The following TFAP2E variants were observed in gnomAD, a reference collection of about 807,000 sequenced individuals.
The protein encoded by TFAP2E is transcription factor AP-2-epsilon.
TFAP2E carries 30 observed loss-of-function variants against 37.9 expected under a neutral mutation model. The observed-to-expected ratio is 0.79, with a 90% confidence interval of 0.59 to 1.07. The LOEUF (loss-of-function observed/expected upper bound fraction) is 1.07, where lower values mean the gene tolerates loss of function less well. Ranked by LOEUF, TFAP2E falls within the 50% of genes least tolerant of loss-of-function variation. The pLI is 0.00. For synonymous variants in TFAP2E, 318 were observed against 295.8 expected (o/e 1.08, Z -0.77); for missense variants, 567 against 637.9 (o/e 0.89, Z 1.20).
chr1:35,574,933 C>T lies in TFAP2E; in HGVS notation c.511-16C>T, dbSNP rs1181368287. On this transcript the variant is annotated splice_polypyrimidine_tract_variant and intron_variant, in intron 2 of 6. Transcript: ENST00000373235. ...GGGCTTTATGCGCCCTCACCGCTGC[C>T]CTCTGCTATTTGCAGGCAATGGACG... 6.2e-7 allele frequency: 1 copy of T among 1,613,864 alleles called. No individual in the cohort carries two copies. The highest frequency in any genetic ancestry group is 8.5e-7 in the Non-Finnish European group (1 of 1,180,016).
chr1:35,581,447 C>T (rs1649347606), intron 3 of TFAP2E, among the ~76,000 whole-genome samples: 1 of 152,030 alleles, frequency 6.6e-6, no homozygotes, highest in Non-Finnish European at 1.5e-5. Context: ...ATTATATGGT[C>T]GGTTTAGGTT....
At chr1:35,581,602 C>A (rs1447541876) in intron 3 of TFAP2E, among the ~76,000 whole-genome samples, 11 of 146,824 alleles carry the variant, frequency 7.5e-5, no homozygotes, top group African/African-American at 2.8e-4. Context: ...GATGGAGTTT[C>A]ACTCTTGTTG....
At chr1:35,580,078 T>TG (rs1649303093) in intron 3 of TFAP2E, among the ~76,000 whole-genome samples, 35 of 151,934 alleles carry the variant, frequency 2.3e-4, no homozygotes, top group Admixed American at 2.3e-3. Context: ...GGCATGGTGG[T>TG]GCACGCCTGT....
In TFAP2E at chr1:35,590,560, G is replaced by T; in HGVS notation, c.905-74G>T. On this transcript the variant is annotated intron_variant, in intron 5 of 6. Coordinates refer to ENST00000373235, the MANE Select transcript of TFAP2E (RefSeq NM_178548.4). The surrounding 1 kb of genome is among the most constrained non-coding windows in gnomAD (Gnocchi z 6.2). The stretch of plus-strand genomic sequence containing the variant: ...GATGGGGCAGGATACCCCTGACCAG[G>T]GGGTCAGAGGTTCAAAGCTGTGTTC... The T allele has an allele frequency of 7.2e-7, 1 of 1,387,540 alleles. No individual in the cohort carries two copies. Among genetic ancestry groups the T allele is most frequent in the East Asian group, 2.5e-5 (1 of 39,894 alleles). 86.0% of individuals were successfully genotyped at this position (1,387,540 alleles called of 1,614,324 possible). A position where few individuals can be genotyped will look rare whatever the true frequency, so the allele number is the denominator to read the frequency against.
chr1:35,594,697 C>G lies in TFAP2E; in HGVS notation c.*21C>G, dbSNP rs1324337601. ...AATAACTGCTTCTCCCACCCCATCC[C>G]TAAGGGGCTCCCAGGCCCTGAAATA... On this transcript the variant is annotated 3_prime_UTR_variant, in exon 7 of 7. Coordinates refer to ENST00000373235, the MANE Select transcript of TFAP2E (RefSeq NM_178548.4). 6.2e-7 allele frequency: 1 copy of G among 1,612,998 alleles called. No homozygotes were observed. The highest frequency in any genetic ancestry group is 8.5e-7 in the Non-Finnish European group (1 of 1,179,996).
rs779591473 is a variant in TFAP2E at position 35,590,803 on chromosome 1, A to G, written c.1046+28A>G. On this transcript the variant is annotated intron_variant, in intron 6 of 6. Coordinates refer to ENST00000373235, the MANE Select transcript of TFAP2E (RefSeq NM_178548.4). This position sits in a 1 kb window ranked among gnomAD's most constrained non-coding sequence, Gnocchi z 6.2. ...GAGTGAGGGCACCCTGCACAGGCAC[A>G]CGTGGGTGCCATGCACAGACAGACA... is the stretch of plus-strand genomic sequence containing the variant. The G allele has an allele frequency of 7.2e-7, 1 of 1,389,522 alleles. No individual in the cohort carries two copies. Among genetic ancestry groups the G allele is most frequent in the Admixed American group, 2.8e-5 (1 of 35,738 alleles). 86.1% of individuals were successfully genotyped at this position (1,389,522 alleles called of 1,614,324 possible).
chr1:35,591,263 T>G (rs573145959), intron 6 of TFAP2E, among the ~76,000 whole-genome samples: 1 of 152,256 alleles, frequency 6.6e-6, no homozygotes, highest in East Asian at 1.9e-4. Context: ...TCTGGGCTCC[T>G]GCATCAGGAA....
At position 35,577,817 on chromosome 1, in the gene TFAP2E, C is replaced by T; in HGVS notation, c.562+2817C>T. ...AGCCCCGGCGCTTTACCACACACTT[C>T]CGGGTCCCATGCCAGTTGCATCCGC... On this transcript the variant is annotated intron_variant, in intron 3 of 6. Coordinates refer to ENST00000373235, the MANE Select transcript of TFAP2E (RefSeq NM_178548.4). The surrounding 1 kb of genome is among the most constrained non-coding windows in gnomAD (Gnocchi z 6.3). 1 of 217,590 alleles carries T rather than the reference C, an allele frequency of 4.6e-6. No individual in the cohort carries two copies. The highest frequency in any genetic ancestry group is 5.7e-5 in the South Asian group (1 of 17,412). The allele number at this position is 217,590 out of a possible 1,614,324, so 13.5% of individuals were successfully genotyped here. A position where few individuals can be genotyped will look rare whatever the true frequency, so the allele number is the denominator to read the frequency against.
At chr1:35,576,614 G>A (rs1300854303) in intron 3 of TFAP2E, among the ~76,000 whole-genome samples, 1 of 152,120 alleles carries the variant, frequency 6.6e-6, no homozygotes, top group Non-Finnish European at 1.5e-5. Context: ...AAAGAGGTTT[G>A]GGGATCTCTG....
chr1:35,591,360 C>T (rs780405316), intron 6 of TFAP2E, among the ~76,000 whole-genome samples: 1 of 152,188 alleles, frequency 6.6e-6, no homozygotes, highest in Non-Finnish European at 1.5e-5. Flanking sequence ...CCCTACTCCC[C>T]ATCGCAGGTC....
At position 35,574,840 on chromosome 1, in the gene TFAP2E, C is replaced by A. The variant is rs1649122580; in HGVS notation, c.511-109C>A. The A allele has an allele frequency of 2.0e-6, 3 of 1,480,432 alleles. No homozygotes were observed. The African/African-American group carries it at 4.2e-5, about 21-fold the overall frequency. The allele number at this position is 1,480,432 out of a possible 1,614,324, so 91.7% of individuals were successfully genotyped here. ...CTGCCCGTCGCCGCCCCAAGCGAAG[C>A]TGGTGCGCCTTGGGCGGAGCAGACA... On this transcript the variant is annotated intron_variant, in intron 2 of 6. Transcript: ENST00000373235.
rs748563080 is a variant in TFAP2E, at chr1:35,588,427, C to T, written c.660C>T (p.Ser220=). 4 of 1,612,056 alleles carry T rather than the reference C, an allele frequency of 2.5e-6. No individual in the cohort carries two copies. The highest frequency in any genetic ancestry group is 2.2e-5 in the East Asian group (1 of 44,884). ...GITNPGEVFC[S]VPGRLSLLSS... Reference sequence around the variant, plus strand: ...CAAATCCTGGTGAGGTCTTCTGCTCCGTGCCCGGCCGGCTTTCACTGCTCA... The same window carrying T: ...CAAATCCTGGTGAGGTCTTCTGCTCTGTGCCCGGCCGGCTTTCACTGCTCA... Residue 220 remains serine, a synonymous_variant, in exon 4 of 7, where the codon TCC becomes TCT. Transcript: ENST00000373235. The surrounding 1 kb of genome is among the most constrained non-coding windows in gnomAD (Gnocchi z 5.1).
Position 35,590,288 on chromosome 1 carries a change from A to ATGTGGG in TFAP2E, c.904+257_904+262dup, listed in dbSNP as rs148670689. ...ACCTACTTGCAGTGTGCGGATGTGT[A>ATGTGGG]TGTGGGTGTGGGTGTGGGTGTGTGG... On this transcript the variant is annotated intron_variant, in intron 5 of 6. Coordinates refer to ENST00000373235, the MANE Select transcript of TFAP2E (RefSeq NM_178548.4). This position sits in a 1 kb window ranked among gnomAD's most constrained non-coding sequence, Gnocchi z 6.2. Among the ~76,000 whole-genome samples the ATGTGGG allele has an allele frequency of 2.0e-5, 3 of 151,948 alleles. No individual in the cohort carries two copies. Among genetic ancestry groups the ATGTGGG allele is most frequent in the Admixed American group, 6.5e-5 (1 of 15,276 alleles).
chr1:35,585,868 G>A (rs917391375), intron 3 of TFAP2E, among the ~76,000 whole-genome samples: 7 of 152,114 alleles, frequency 4.6e-5, no homozygotes, highest in Non-Finnish European at 7.4e-5. Context: ...GGGCAACATG[G>A]TGAAACCCCA....
rs765491129 is a variant in TFAP2E at position 35,588,462 on chromosome 1, C to A, written c.695C>A (p.Ser232Tyr). Residue 232 changes from serine (S) to tyrosine (Y), a missense_variant, in exon 4 of 7, where the codon TCC becomes TAC. By Grantham distance (144) the Ser-to-Tyr change is moderately radical (BLOSUM62 -2). This residue lies in a region of TFAP2E where 252 missense variants were observed against 302.6 expected (regional missense o/e 0.83). Transcript: ENST00000373235. The surrounding 1 kb of genome is among the most constrained non-coding windows in gnomAD (Gnocchi z 5.1). ...CGGCTTTCACTGCTCAGCTCAACGTCCAAGTACAAGGTGACGGTGGGGGAG... is the reference window on the plus strand; with the variant it reads ...CGGCTTTCACTGCTCAGCTCAACGTACAAGTACAAGGTGACGGTGGGGGAG... ...PGRLSLLSSTSKYKVTVGEVQ... is the reference protein window; with the variant it reads ...PGRLSLLSSTYKYKVTVGEVQ... 14 of 1,610,760 alleles carry A rather than the reference C, an allele frequency of 8.7e-6. No individual in the cohort carries two copies. The highest frequency in any genetic ancestry group is 1.2e-5 in the Non-Finnish European group (14 of 1,179,762).
At chr1:35,578,065 C>CGAGGTTGGGTGAGTGCCT (rs1649235358) in intron 3 of TFAP2E, among the ~76,000 whole-genome samples, 1 of 151,978 alleles carries the variant, frequency 6.6e-6, no homozygotes, top group Admixed American at 6.6e-5. Flanking sequence ...GGAGAGTGCC[C>CGAGGTTGGGTGAGTGCCT]GAGGTTGGGT....
At chr1:35,589,678 G>A (rs546332841) in intron 4 of TFAP2E, among the ~76,000 whole-genome samples, 3 of 152,156 alleles carry the variant, frequency 2.0e-5, no homozygotes, top group Admixed American at 6.5e-5. Flanking sequence ...GGCTGCCCCT[G>A]CTGTTGAGAG....
At chr1:35,591,160 T>C (rs1042630244) in intron 6 of TFAP2E, among the ~76,000 whole-genome samples, 7 of 152,114 alleles carry the variant, frequency 4.6e-5, no homozygotes, top group African/African-American at 1.7e-4. Context: ...GTGCCACATA[T>C]GGGTATATTT....
rs756472665 is a variant in TFAP2E at position 35,588,493 on chromosome 1, G to A, written c.726G>A (p.Gln242=). The change falls in exon 4 of 7, where the codon CAG becomes CAA. Residue 242 remains glutamine (Q), a synonymous_variant. Transcript: ENST00000373235. The surrounding 1 kb of genome is among the most constrained non-coding windows in gnomAD (Gnocchi z 5.1). ...SKYKVTVGEV[Q]RRLSPPECLN... is the part of the protein sequence containing the mutation. The stretch of plus-strand genomic sequence containing the variant: ...ACAAGGTGACGGTGGGGGAGGTGCA[G>A]CGGCGACTCTCGCCTCCCGAGTGCC... The A allele has an allele frequency of 6.2e-7, 1 of 1,607,936 alleles. No individual in the cohort carries two copies. Among genetic ancestry groups the A allele is most frequent in the Admixed American group, 1.7e-5 (1 of 59,970 alleles).
Sources: allele counts gnomAD v4.1 joint callset (sites outside exome capture counted in the v4.1 genomes callset), GRCh38; gene constraint gnomAD v4.1.1; regional missense constraint gnomAD v4.1.1; non-coding constraint Gnocchi (gnomAD v3.1); transcripts MANE v1.5; gene names NCBI Gene and HGNC (gene_info 2026-07-23, HGNC 2026-07-21).